PPP6R3: variants seen among roughly 807,000 people sequenced by gnomAD.
PPP6R3 encodes the protein serine/threonine-protein phosphatase 6 regulatory subunit 3.
A neutral mutation model predicts 110.7 loss-of-function variants in PPP6R3; 38 were observed. That is an observed-to-expected ratio of 0.34 (90% CI 0.26 to 0.45). PPP6R3 has a LOEUF of 0.45. PPP6R3 is among the 20% of genes least tolerant of loss of function. The probability of loss-of-function intolerance (pLI) is 1.00; values close to 1 mark genes in which losing one functional copy is unlikely to be tolerated. For missense variants in PPP6R3, 870 were observed against 1,062.4 expected (o/e 0.82, Z 2.52); for synonymous variants, 369 against 373.5 (o/e 0.99, Z 0.14).
intron 1 of PPP6R3, among the ~76,000 whole-genome samples, chr11:68,465,693 CT>C (rs2098740696): frequency 1.3e-5 from 2 of 152,180 alleles, no homozygotes; most frequent in African/African-American, 4.8e-5. Context: ...TGAACAGGCC[CT>C]TAAGGACCTG....
At chr11:68,546,983 G>A (rs2099351705) in intron 4 of PPP6R3, among the ~76,000 whole-genome samples, 1 of 152,170 alleles carries the variant, frequency 6.6e-6, no homozygotes, top group Admixed American at 6.5e-5. Flanking sequence ...ATTTCTTGAA[G>A]TTTTATATCA....
rs147191292 is a variant in PPP6R3 at position 68,464,424 on chromosome 11, C to T, written c.-158+3597C>T. Among the ~76,000 whole-genome samples, 62 of 152,208 alleles carry T rather than the reference C, an allele frequency of 4.1e-4. No individual in the cohort carries two copies. In the East Asian group the frequency reaches 0.01, roughly 25 times the overall value. ...GATTACAGGTGTGAGCTACCATGCC[C>T]GGCCACGAGAATCTATTTTTTAGAA... On this transcript the variant is annotated intron_variant, in intron 1 of 23. Coordinates refer to ENST00000393800, the MANE Select transcript of PPP6R3 (RefSeq NM_001164161.2).
chr11:68,610,089 T>G (rs1942630223), intron 23 of PPP6R3, 66 bp downstream of exon 23: 2 of 1,587,082 alleles, frequency 1.3e-6, no homozygotes, highest in African/African-American at 1.3e-5. Context: ...TTCCTGGGAG[T>G]TGGGAGGGGA....
chr11:68,463,153 C>A (rs2098720292), intron 1 of PPP6R3, among the ~76,000 whole-genome samples: 1 of 151,978 alleles, frequency 6.6e-6, no homozygotes, highest in African/African-American at 2.4e-5. Flanking sequence ...GCTGGCGGAT[C>A]ACTTAAGGTC....
Position 68,567,075 on chromosome 11 carries a change from A to G in PPP6R3, c.1037A>G (p.Asn346Ser), listed in dbSNP as rs2099476655. Residue 346 changes from asparagine to serine, a missense_variant, in exon 10 of 24, where the codon AAT becomes AGT. Physicochemically the swap from Asn to Ser is conservative, Grantham distance 46. Transcript: ENST00000393800. Reference sequence around the variant, plus strand: ...CCTCCTGTGGGGAATACCCGGTTGAATGTCATTAGGTTGATATCCAGCCTG... The same window carrying G: ...CCTCCTGTGGGGAATACCCGGTTGAGTGTCATTAGGTTGATATCCAGCCTG... ...LDPPVGNTRL[N>S]VIRLISSLLQ... 2 of 1,551,550 alleles carry G rather than the reference A, an allele frequency of 1.3e-6. No individual in the cohort carries two copies. Among genetic ancestry groups the G allele is most frequent in the Middle Eastern group, 1.7e-4 (1 of 5,990 alleles).
intron 19 of PPP6R3, among the ~76,000 whole-genome samples, chr11:68,596,676 T>C (rs755749324): frequency 5.9e-5 from 9 of 152,242 alleles, no homozygotes; most frequent in Non-Finnish European, 1.0e-4. Context: ...CTCACAGCCT[T>C]GAAACTTGTC....
At chr11:68,559,353 GT>G (rs1320870638) in intron 8 of PPP6R3, among the ~76,000 whole-genome samples, 3 of 152,338 alleles carry the variant, frequency 2.0e-5, no homozygotes, top group Admixed American at 2.0e-4. Flanking sequence ...CATTATCAGA[GT>G]TTTCTAACTG....
intron 23 of PPP6R3, chr11:68,612,766 A>G: frequency 2.5e-6 from 1 of 396,816 alleles, no homozygotes; most frequent in South Asian, 2.4e-5. Flanking sequence ...TTTATACCCC[A>G]CTGACCTAGT....
intron 9 of PPP6R3, among the ~76,000 whole-genome samples, 191 bp downstream of exon 9, chr11:68,564,623 A>G (rs958483195): frequency 3.3e-5 from 5 of 152,238 alleles, no homozygotes; most frequent in African/African-American, 1.2e-4. Context: ...AATATTCATC[A>G]GTTTAGGAAG....
chr11:68,551,712 C>T (rs1250261072), intron 6 of PPP6R3, among the ~76,000 whole-genome samples: 1 of 152,180 alleles, frequency 6.6e-6, no homozygotes, highest in Non-Finnish European at 1.5e-5. Context: ...TGGTCTTGAA[C>T]TCCTGACCTT....
At position 68,614,292 on chromosome 11, in the gene PPP6R3, CTA is replaced by C; in HGVS notation, c.*1177_*1178del. The C allele has an allele frequency of 9.6e-7, 1 of 1,040,888 alleles. No homozygotes were observed. Among genetic ancestry groups the C allele is most frequent in the Non-Finnish European group, 1.2e-6 (1 of 864,654 alleles). The allele number at this position is 1,040,888 out of a possible 1,614,324, so 64.5% of individuals were successfully genotyped here. A position where few individuals can be genotyped will look rare whatever the true frequency, so the allele number is the denominator to read the frequency against. On this transcript the variant is annotated 3_prime_UTR_variant, in exon 24 of 24. Transcript: ENST00000393800. ...CTAATTCAATGTAATTTATAATTTTCTATGTCAATACAAAAATACATCACAGC... is the reference window on the plus strand; with the variant it reads ...CTAATTCAATGTAATTTATAATTTTCTGTCAATACAAAAATACATCACAGC...
chr11:68,559,811 A>G (rs187020630), intron 8 of PPP6R3, among the ~76,000 whole-genome samples: 7,479 of 95,162 alleles, frequency 0.079, 231 homozygotes, highest in Middle Eastern at 0.13. Context: ...CCAGCGGTAC[A>G]GTACCCTCTT....
At chr11:68,490,893 G>A (rs1333380316) in intron 1 of PPP6R3, among the ~76,000 whole-genome samples, 1 of 152,070 alleles carries the variant, frequency 6.6e-6, no homozygotes, top group Non-Finnish European at 1.5e-5. Context: ...TATTAATCGT[G>A]TTTTTTACAA....
chr11:68,528,872 A>G (rs2099218187), intron 2 of PPP6R3, among the ~76,000 whole-genome samples: 1 of 152,196 alleles, frequency 6.6e-6, no homozygotes, highest in South Asian at 2.1e-4. Context: ...CCTAGAAGGA[A>G]GTCCTCAGCC....
chr11:68,572,798 C>T (rs1565930151), intron 12 of PPP6R3, among the ~76,000 whole-genome samples: 1 of 151,982 alleles, frequency 6.6e-6, no homozygotes, highest in Non-Finnish European at 1.5e-5. Flanking sequence ...GCTGTGATTG[C>T]ACCACTGCAC....
rs138939930 is a variant in PPP6R3, at chr11:68,548,165, G to A, written c.513G>A (p.Thr171=). Residue 171 remains threonine, a synonymous_variant, in exon 5 of 24, where the codon ACG becomes ACA. Coordinates refer to ENST00000393800, the MANE Select transcript of PPP6R3 (RefSeq NM_001164161.2). The part of the protein sequence containing the change: ...AIMDLLLRLL[T]CIEPPQPRQD... ...TGGATTTGTTGCTCAGGCTCCTGAC[G>A]TGTATCGAACCTCCACAGCCCAGGC... is the stretch of plus-strand genomic sequence containing the variant. The A allele has an allele frequency of 3.2e-5, 52 of 1,614,064 alleles. No individual in the cohort carries two copies. Among genetic ancestry groups the A allele is most frequent in the Middle Eastern group, 1.6e-4 (1 of 6,084 alleles).
intron 4 of PPP6R3, among the ~76,000 whole-genome samples, chr11:68,546,981 A>G (rs894684155): frequency 6.6e-6 from 1 of 152,112 alleles, no homozygotes; most frequent in South Asian, 2.1e-4. Flanking sequence ...TCATTTCTTG[A>G]AGTTTTATAT....
rs201084795 is a variant in PPP6R3 at position 68,564,297 on chromosome 11, T to C, written c.846-6T>C. On this transcript the variant is annotated splice_region_variant and splice_polypyrimidine_tract_variant and intron_variant, in intron 8 of 23. Transcript: ENST00000393800. ...TAATAACTAAAATTCCTTGCTTTGT[T>C]TCAAGATTTGAAGGCCATATAGAGA... 9.4e-6 allele frequency: 15 copies of C among 1,598,782 alleles called. No individual in the cohort carries two copies. In the East Asian group the frequency reaches 3.1e-4, roughly 33 times the overall value.
At chr11:68,542,053 A>C (rs1317938593) in intron 3 of PPP6R3, among the ~76,000 whole-genome samples, 1 of 151,650 alleles carries the variant, frequency 6.6e-6, no homozygotes, top group African/African-American at 2.4e-5. Context: ...GTTTTTTCCT[A>C]AATGGAAGTG....
Sources: allele counts gnomAD v4.1 joint callset (sites outside exome capture counted in the v4.1 genomes callset), GRCh38; gene constraint gnomAD v4.1.1; transcripts MANE v1.5; gene names NCBI Gene and HGNC (gene_info 2026-07-23, HGNC 2026-07-21).